OXR1: variants seen among roughly 807,000 people sequenced by gnomAD.
OXR1 encodes oxidation resistance 1, also known as oxidation resistance protein 1.
Under a neutral mutation model 104.6 loss-of-function variants are expected in OXR1, and 41 were observed. The observed-to-expected ratio is 0.39, with a 90% CI of 0.31 to 0.51. The LOEUF (loss-of-function observed/expected upper bound fraction) is 0.51. Ranked by LOEUF, OXR1 falls within the 20% of genes least tolerant of loss-of-function variation. The pLI is 0.77. For synonymous variants in OXR1, 348 were observed against 348.4 expected (o/e 1.00, Z 0.01); for missense variants, 955 against 1,031.9 (o/e 0.93, Z 1.02).
intron 8 of OXR1, among the ~76,000 whole-genome samples, chr8:106,705,733 A>G (rs574358352): frequency 1.4e-3 from 213 of 152,294 alleles, no homozygotes; most frequent in African/African-American, 5.1e-3. Flanking sequence ...CTGAAAGTCT[A>G]GACCCAGTTA....
intron 3 of OXR1, among the ~76,000 whole-genome samples, chr8:106,611,196 C>T (rs1820785730): frequency 6.6e-6 from 1 of 152,192 alleles, no homozygotes; most frequent in Non-Finnish European, 1.5e-5. Flanking sequence ...AATGGCAGAG[C>T]AAGGGCTGGC....
intron 2 of OXR1, among the ~76,000 whole-genome samples, chr8:106,424,715 G>T (rs1819039444): frequency 6.6e-6 from 1 of 152,024 alleles, no homozygotes; most frequent in Non-Finnish European, 1.5e-5. Flanking sequence ...TTGTCCTCTT[G>T]CAAGGTCTTA....
chr8:106,502,542 A>G (rs1409453504), intron 2 of OXR1, among the ~76,000 whole-genome samples: 1 of 152,192 alleles, frequency 6.6e-6, no homozygotes, highest in Non-Finnish European at 1.5e-5. Context: ...TGATGATGCC[A>G]TTGGGTTCTT....
chr8:106,326,947 A>C (rs1161991946), intron 1 of OXR1, among the ~76,000 whole-genome samples: 2 of 152,220 alleles, frequency 1.3e-5, no homozygotes, highest in African/African-American at 2.4e-5. Context: ...TACTTTTATA[A>C]TTAATACTTC....
intron 3 of OXR1, among the ~76,000 whole-genome samples, chr8:106,676,710 C>T (rs1311396439): frequency 6.6e-6 from 1 of 151,972 alleles, no homozygotes; most frequent in African/African-American, 2.4e-5. Flanking sequence ...TTTTCTCTAG[C>T]TGCTCTCAAA....
chr8:106,603,029 A>G (rs1820091433), intron 3 of OXR1, among the ~76,000 whole-genome samples: 2 of 152,190 alleles, frequency 1.3e-5, no homozygotes, highest in African/African-American at 2.4e-5. Flanking sequence ...ACCACTGGGT[A>G]TTATTATTTT....
chr8:106,542,974 A>G (rs1049142070), intron 3 of OXR1, among the ~76,000 whole-genome samples: 1 of 152,112 alleles, frequency 6.6e-6, no homozygotes, highest in African/African-American at 2.4e-5. Flanking sequence ...ACTGATTTCA[A>G]ATTTAGGTTG....
intron 2 of OXR1, among the ~76,000 whole-genome samples, chr8:106,399,331 G>A (rs985295270): frequency 2.0e-5 from 3 of 152,174 alleles, no homozygotes; most frequent in African/African-American, 7.2e-5. Context: ...TGTGACAATA[G>A]CAATCCTAGC....
At chr8:106,420,402 T>C (rs1376662547) in intron 2 of OXR1, among the ~76,000 whole-genome samples, 1 of 151,924 alleles carries the variant, frequency 6.6e-6, no homozygotes, top group Non-Finnish European at 1.5e-5. Flanking sequence ...CTAGTAGTTT[T>C]ATTTTTAATT....
intron 2 of OXR1, among the ~76,000 whole-genome samples, chr8:106,503,303 T>G (rs1365150837): frequency 2.6e-5 from 4 of 152,128 alleles, no homozygotes; most frequent in Admixed American, 6.5e-5. Flanking sequence ...ATTAGACATT[T>G]TCTCTATTTC....
At chr8:106,446,761 T>C (rs751111876) in intron 2 of OXR1, among the ~76,000 whole-genome samples, 3 of 152,120 alleles carry the variant, frequency 2.0e-5, no homozygotes, top group Non-Finnish European at 4.4e-5. Flanking sequence ...CAGGACTTCA[T>C]CTTTACTGAA....
chr8:106,441,236 A>G (rs982487871), intron 2 of OXR1, among the ~76,000 whole-genome samples: 1 of 151,786 alleles, frequency 6.6e-6, no homozygotes, highest in African/African-American at 2.4e-5. Flanking sequence ...GATGTATGGT[A>G]TTATTATTTC....
chr8:106,740,790 A>T (rs1587307105), intron 14 of OXR1, among the ~76,000 whole-genome samples: 1 of 152,248 alleles, frequency 6.6e-6, no homozygotes, highest in East Asian at 1.9e-4. Flanking sequence ...AGAAAAAGTG[A>T]GGAAATAAGA....
chr8:106,437,908 T>TATGACACTG (rs1250228338), intron 2 of OXR1, among the ~76,000 whole-genome samples: 5 of 152,128 alleles, frequency 3.3e-5, no homozygotes, highest in Non-Finnish European at 7.4e-5. Context: ...CTAATATGTG[T>TATGACACTG]ATGACACTGT....
rs192946900 is a variant in OXR1 at position 106,396,282 on chromosome 8, C to T, written c.23+36646C>T. 1.6e-4 allele frequency among the ~76,000 whole-genome samples: 24 copies of T among 151,996 alleles called. No homozygotes were observed. The East Asian group carries it at 4.6e-3, about 29-fold the overall frequency. On this transcript the variant is annotated intron_variant, in intron 2 of 16. Coordinates refer to ENST00000517566, the MANE Select transcript of OXR1 (RefSeq NM_001198533.2). ...GTGTTTGGAAAGGGAGAAAGAGTAA[C>T]TTTACAGTAGAGAAACCTGACACAC...
intron 2 of OXR1, among the ~76,000 whole-genome samples, chr8:106,480,520 CT>C (rs1401511188): frequency 4.6e-5 from 7 of 151,890 alleles, no homozygotes; most frequent in Non-Finnish European, 8.8e-5. Flanking sequence ...GAGTGTTAAA[CT>C]ATAGAAGTAT....
At chr8:106,650,318 G>A (rs555585952) in intron 3 of OXR1, among the ~76,000 whole-genome samples, 3 of 152,340 alleles carry the variant, frequency 2.0e-5, no homozygotes, top group African/African-American at 2.4e-5. Context: ...TACGCTGCTA[G>A]TAAGTGGCAA....
intron 2 of OXR1, among the ~76,000 whole-genome samples, chr8:106,420,807 T>G (rs892964036): frequency 2.6e-5 from 4 of 151,686 alleles, no homozygotes; most frequent in Non-Finnish European, 5.9e-5. Flanking sequence ...TGCTAATAAT[T>G]GTTAAAGATA....
At chr8:106,311,599 T>C (rs1457521760) in intron 1 of OXR1, among the ~76,000 whole-genome samples, 1 of 152,186 alleles carries the variant, frequency 6.6e-6, no homozygotes, top group Non-Finnish European at 1.5e-5. Context: ...TGCTATTGTC[T>C]TACTGGGTGG....
Sources: allele counts gnomAD v4.1 joint callset (sites outside exome capture counted in the v4.1 genomes callset), GRCh38; gene constraint gnomAD v4.1.1; transcripts MANE v1.5; gene names NCBI Gene and HGNC (gene_info 2026-07-23, HGNC 2026-07-21).